Variants in KLHDC2 observed in about 807,000 individuals in gnomAD.
KLHDC2 encodes the protein kelch domain containing 2.
A neutral mutation model predicts 62.3 loss-of-function variants in KLHDC2; 38 were observed. The observed-to-expected ratio is 0.61, with a 90% CI of 0.47 to 0.80. KLHDC2 has a LOEUF of 0.80. Ranked by LOEUF, KLHDC2 falls within the 30% of genes least tolerant of loss-of-function variation. The pLI, the probability that KLHDC2 is intolerant of heterozygous loss-of-function variation, is 0.00. For missense variants in KLHDC2, 430 were observed against 495.3 expected (o/e 0.87, Z 1.25); for synonymous variants, 159 against 161.0 (o/e 0.99, Z 0.09).
At position 49,782,621 on chromosome 14, in the gene KLHDC2, G is replaced by C; in HGVS notation, c.1097+27G>C. The C allele has an allele frequency of 2.6e-6, 4 of 1,560,534 alleles. No homozygotes were observed. In the South Asian group the frequency reaches 4.6e-5, roughly 18 times the overall value. ...TAAGTAACTTTGTACTTGGCACTTAGATTATTTAAAATTGTGTTTCCTAAG... is the reference window on the plus strand; with the variant it reads ...TAAGTAACTTTGTACTTGGCACTTACATTATTTAAAATTGTGTTTCCTAAG... On this transcript the variant is annotated intron_variant, in intron 12 of 12. Coordinates refer to ENST00000298307, the MANE Select transcript of KLHDC2 (RefSeq NM_014315.3).
In KLHDC2 at chr14:49,785,014, C is replaced by T. The variant is rs762992797; in HGVS notation, c.*2061C>T. ...AAGGCTGTTTTTGCAGCTGTAAATA[C>T]AAAAAAGAGTAAGAATAATCTACTG... On this transcript the variant is annotated 3_prime_UTR_variant, in exon 13 of 13. Transcript: ENST00000298307. 1 of 1,611,278 alleles carries T rather than the reference C, an allele frequency of 6.2e-7. No homozygotes were observed. The highest frequency in any genetic ancestry group is 1.7e-5 in the Admixed American group (1 of 59,686).
Position 49,784,286 on chromosome 14 carries a change from C to G in KLHDC2, c.*1333C>G, listed in dbSNP as rs1416698832. 1 of 174,774 alleles carries G rather than the reference C, an allele frequency of 5.7e-6. No individual in the cohort carries two copies. Among genetic ancestry groups the G allele is most frequent in the Non-Finnish European group, 1.2e-5 (1 of 84,136 alleles). 10.8% of individuals were successfully genotyped at this position (174,774 alleles called of 1,614,324 possible). On this transcript the variant is annotated 3_prime_UTR_variant, in exon 13 of 13. Transcript: ENST00000298307. ...TAGATGTTATATACAGTAGACTTAC[C>G]AAGTCAATAGTTTAAGCAATCAAGC...
chr14:49,771,591 T>TAGGAA lies in KLHDC2; in HGVS notation c.154-1_154insGAAAG. On this transcript the variant is annotated splice_polypyrimidine_tract_variant and splice_region_variant and intron_variant, in intron 1 of 12. Coordinates refer to ENST00000298307, the MANE Select transcript of KLHDC2 (RefSeq NM_014315.3). ...TTATATTTACAATTTTTTTTATTCT[T>TAGGAA]AGAGTAATCAAGTCAGAGGATTATA... is the stretch of plus-strand genomic sequence containing the variant. 1 of 1,338,476 alleles carries TAGGAA rather than the reference T, an allele frequency of 7.5e-7. No individual in the cohort carries two copies. The highest frequency in any genetic ancestry group is 1.1e-6 in the Non-Finnish European group (1 of 934,314). The allele number at this position is 1,338,476 out of a possible 1,614,324, so 82.9% of individuals were successfully genotyped here. A position where few individuals can be genotyped will look rare whatever the true frequency, so the allele number is the denominator to read the frequency against.
At chr14:49,777,078 C>T (rs1238283456) in intron 3 of KLHDC2, among the ~76,000 whole-genome samples, 1 of 152,032 alleles carries the variant, frequency 6.6e-6, no homozygotes, top group Non-Finnish European at 1.5e-5. Context: ...TAAGAAGGAA[C>T]AAAATAATGG....
chr14:49,771,478 G>GT (rs1356369670), intron 1 of KLHDC2, 116 bp from the exon 2 acceptor site: 1 of 600,962 alleles, frequency 1.7e-6, no homozygotes, highest in Non-Finnish European at 3.0e-6. Flanking sequence ...ATTGTGCACT[G>GT]TAATACCTAT....
intron 2 of KLHDC2, among the ~76,000 whole-genome samples, chr14:49,772,795 A>G (rs6572611): frequency 0.17 from 25,145 of 151,984 alleles, 2,260 homozygotes; most frequent in South Asian, 0.28. Flanking sequence ...CATCTCTACA[A>G]AAATACAAAA....
rs369756267 is a variant in KLHDC2, at chr14:49,779,826, C to A, written c.773+20C>A. ...TGAATTGTAGGTATCACTTTAGATA[C>A]ATTTTTCCAAAATTCAGATTGTTTT... On this transcript the variant is annotated intron_variant, in intron 8 of 12. Transcript: ENST00000298307. 6.3e-7 allele frequency: 1 copy of A among 1,579,800 alleles called. No homozygotes were observed.
At chr14:49,778,890 A>G (rs1889828274) in intron 6 of KLHDC2, among the ~76,000 whole-genome samples, 1 of 151,622 alleles carries the variant, frequency 6.6e-6, no homozygotes, top group Non-Finnish European at 1.5e-5. Context: ...CGCCCAGCTA[A>G]TTTTTTTGTA....
intron 1 of KLHDC2, 123 bp from the exon 2 acceptor site, chr14:49,771,471 G>T: frequency 1.8e-6 from 1 of 565,186 alleles, no homozygotes. Flanking sequence ...GGGGAGGATT[G>T]TGCACTGTAA....
Position 49,771,662 on chromosome 14 carries a change from G to C in KLHDC2, c.222G>C (p.Glu74Asp). 1.3e-6 allele frequency: 2 copies of C among 1,497,626 alleles called. No individual in the cohort carries two copies. The highest frequency in any genetic ancestry group is 1.9e-6 in the Non-Finnish European group (2 of 1,074,076). 92.8% of individuals were successfully genotyped at this position (1,497,626 alleles called of 1,614,324 possible). A position where few individuals can be genotyped will look rare whatever the true frequency, so the allele number is the denominator to read the frequency against. ...AAGAACTATGGATCTACAACATGGA[G>C]ACTGGAAGATGGTAAATGTGGATAT... ...PREELWIYNM[E>D]TGRWKKINTE... Residue 74 changes from glutamate (E) to aspartate (D), a missense_variant, in exon 2 of 13, where the codon GAG (glutamate) becomes GAC (aspartate). Physicochemically the swap from Glu to Asp is conservative, Grantham distance 45 (BLOSUM62 2). Transcript: ENST00000298307.
At position 49,785,188 on chromosome 14, in the gene KLHDC2, AAAAGCCATTCTGTC is replaced by A. The variant is rs1890110339; in HGVS notation, c.*2238_*2251del. 2 of 1,605,864 alleles carry A rather than the reference AAAAGCCATTCTGTC, an allele frequency of 1.2e-6. No homozygotes were observed. The highest frequency in any genetic ancestry group is 3.3e-5 in the Admixed American group (2 of 59,986). ...AAATAGACGTTACAAAACAATTCAC[AAAAGCCATTCTGTC>A]AACTAATGGTAACTTACTTGTAGTT... On this transcript the variant is annotated 3_prime_UTR_variant, in exon 13 of 13. Coordinates refer to ENST00000298307, the MANE Select transcript of KLHDC2 (RefSeq NM_014315.3).
At chr14:49,774,943 C>A (rs12590913) in intron 3 of KLHDC2, 77,799 of 395,298 alleles carry the variant, frequency 0.2, 12,369 homozygotes, top group East Asian at 0.8. Flanking sequence ...GCTACTTGTT[C>A]TCTTAGAACC....
In KLHDC2 at chr14:49,782,547, C is replaced by T. The variant is rs1244310506; in HGVS notation, c.1050C>T (p.His350=). The change falls in exon 12 of 13, where the codon CAC becomes CAT. Residue 350 remains histidine (H), a synonymous_variant. Coordinates refer to ENST00000298307, the MANE Select transcript of KLHDC2 (RefSeq NM_014315.3). ...NNLLVHHRAA[H]SNEILIFSVQ... is the part of the protein sequence containing the mutation. ...TCTTCCTATTTATTTTTCAGGCACA[C>T]AGTAATGAAATACTAATATTTTCAG... 1.2e-6 allele frequency: 2 copies of T among 1,606,818 alleles called. No homozygotes were observed. Among genetic ancestry groups the T allele is most frequent in the South Asian group, 1.1e-5 (1 of 90,190 alleles).
intron 1 of KLHDC2, among the ~76,000 whole-genome samples, chr14:49,770,643 T>C (rs1889644314): frequency 6.6e-6 from 1 of 152,184 alleles, no homozygotes. Flanking sequence ...ATAAATAACC[T>C]TGGGCAAATT....
rs751572392 is a variant in KLHDC2, at chr14:49,768,612, CG to C, written c.146del (p.Gly49AlafsTer51). On this transcript the variant is annotated frameshift_variant, in exon 1 of 13. Coordinates refer to ENST00000298307, the MANE Select transcript of KLHDC2 (RefSeq NM_014315.3). LOFTEE classifies it high-confidence loss of function. Reference sequence around the variant, plus strand: ...ACGGGCGCCACATGTTCGTCTGGGGCGGCTACAAGGTCAGTGAGTGGCCGGG... The same window carrying C: ...ACGGGCGCCACATGTTCGTCTGGGGCGCTACAAGGTCAGTGAGTGGCCGGG... ...SDGRHMFVWG[G>X]YKSNQVRGLY... 6.3e-7 allele frequency: 1 copy of C among 1,594,794 alleles called. No homozygotes were observed. Among genetic ancestry groups the C allele is most frequent in the Non-Finnish European group, 8.5e-7 (1 of 1,171,986 alleles).
intron 6 of KLHDC2, among the ~76,000 whole-genome samples, chr14:49,778,899 T>C (rs1889828526): frequency 6.6e-6 from 1 of 152,166 alleles, no homozygotes; most frequent in African/African-American, 2.4e-5. Flanking sequence ...AATTTTTTTG[T>C]ATTTTTAGTA....
At chr14:49,775,225 CAT>C (rs1432797041) in intron 3 of KLHDC2, among the ~76,000 whole-genome samples, 1 of 152,150 alleles carries the variant, frequency 6.6e-6, no homozygotes, top group East Asian at 1.9e-4. Context: ...AGAAATGATA[CAT>C]ATGACATATA....
In KLHDC2 at chr14:49,780,313, C is replaced by T. The variant is rs1321444983; in HGVS notation, c.874C>T (p.Gln292Ter). The T allele has an allele frequency of 1.3e-6, 2 of 1,583,266 alleles. No homozygotes were observed. Among genetic ancestry groups the T allele is most frequent in the Non-Finnish European group, 1.7e-6 (2 of 1,151,870 alleles). ...FLFGGFTTDK[Q>*]PLSDAWTYCI... ...CTTTGGAGGATTTACCACTGATAAA[C>T]AGCCACTAAGTAAGTCCTTGAAAAA... The change falls in exon 9 of 13, where the codon CAG becomes TAG. Residue 292 changes from glutamine to a stop codon, truncating the protein, a stop_gained. Transcript: ENST00000298307. LOFTEE classifies it high-confidence loss of function.
Position 49,782,466 on chromosome 14 carries a change from A to G in KLHDC2, c.1044+9A>G, listed in dbSNP as rs183713492. ...TTGTCCATCACAGAGCTGTAAGTAT[A>G]CTACCTTCACATTATTACTGAAACT... On this transcript the variant is annotated intron_variant, in intron 11 of 12. Coordinates refer to ENST00000298307, the MANE Select transcript of KLHDC2 (RefSeq NM_014315.3). 261 of 1,605,552 alleles carry G rather than the reference A, an allele frequency of 1.6e-4. No homozygotes were observed. The African/African-American group carries it at 2.9e-3, about 18-fold the overall frequency.
Sources: allele counts gnomAD v4.1 joint callset (sites outside exome capture counted in the v4.1 genomes callset), GRCh38; gene constraint gnomAD v4.1.1; transcripts MANE v1.5; gene names NCBI Gene and HGNC (gene_info 2026-07-23, HGNC 2026-07-21).